SHANK2: variants seen among roughly 807,000 people sequenced by gnomAD.
SHANK2 encodes the protein SH3 and multiple ankyrin repeat domains 2, also known as SH3 and multiple ankyrin repeat domains protein 2.
A neutral mutation model predicts 133.7 loss-of-function variants in SHANK2; 43 were observed. That is an observed-to-expected ratio of 0.32 (90% CI 0.25 to 0.41). The LOEUF is 0.41. SHANK2 is among the 10% of genes least tolerant of loss of function. The pLI, the probability that SHANK2 is intolerant of heterozygous loss-of-function variation, is 1.00. For missense variants in SHANK2, 1,994 were observed against 2,235.8 expected, an observed-to-expected ratio of 0.89 and a Z score of 2.18; for synonymous variants, 1,017 against 952.8, an observed-to-expected ratio of 1.07 and a Z score of -1.24.
At chr11:71,096,467 C>G (rs1173572757) in intron 6 of SHANK2, among the ~76,000 whole-genome samples, 2 of 152,158 alleles carry the variant, frequency 1.3e-5, no homozygotes, top group African/African-American at 4.8e-5. Context: ...GTCAGCCCCT[C>G]ATTCTCTGTC....
intron 8 of SHANK2, among the ~76,000 whole-genome samples, chr11:71,082,553 C>T (rs1021939700): frequency 4.6e-5 from 7 of 152,234 alleles, no homozygotes; most frequent in African/African-American, 1.4e-4. Flanking sequence ...GGGCTGTACA[C>T]AGTCCCACCC....
chr11:71,180,959 G>T (rs912133153), intron 2 of SHANK2, among the ~76,000 whole-genome samples: 1 of 151,910 alleles, frequency 6.6e-6, no homozygotes, highest in African/African-American at 2.4e-5. Context: ...ACTTCCATGT[G>T]GCAAATCAGC....
At chr11:71,118,627 A>G (rs1565461393) in intron 4 of SHANK2, among the ~76,000 whole-genome samples, 1 of 152,142 alleles carries the variant, frequency 6.6e-6, no homozygotes, top group Admixed American at 6.5e-5. Flanking sequence ...ACATGTGGGG[A>G]TTACAATTAG....
rs749113327 is a variant in SHANK2, at chr11:70,932,418, G to A, written c.1108-35851C>T. Among the ~76,000 whole-genome samples, 499 of 152,348 alleles carry A rather than the reference G, an allele frequency of 3.3e-3. 4 individuals carry two copies. Among genetic ancestry groups the A allele is most frequent in the Non-Finnish European group, 4.0e-3 (275 of 68,040 alleles). On this transcript the variant is annotated intron_variant, in intron 10 of 25. Coordinates refer to ENST00000601538, the MANE Select transcript of SHANK2 (RefSeq NM_012309.5). ...GAAGCAGCAGGACTCTGCTGGGTCC[G>A]CGCACGTGCGGCCCCGCTAAGGGAA...
intron 8 of SHANK2, among the ~76,000 whole-genome samples, chr11:71,081,658 G>C (rs921568525): frequency 6.6e-6 from 1 of 152,122 alleles, no homozygotes; most frequent in African/African-American, 2.4e-5. Context: ...GGTACTCAAG[G>C]GTCCTCATTC....
chr11:70,626,077 C>G (rs1554999860), intron 17 of SHANK2, among the ~76,000 whole-genome samples: 1 of 152,108 alleles, frequency 6.6e-6, no homozygotes, highest in South Asian at 2.1e-4. Context: ...CCTCCCATCC[C>G]GGCTGAGCAT....
chr11:71,068,344 T>A (rs1951095730), intron 9 of SHANK2, among the ~76,000 whole-genome samples: 1 of 152,214 alleles, frequency 6.6e-6, no homozygotes, highest in Non-Finnish European at 1.5e-5. Context: ...GACTGCATCC[T>A]GACCCCCAGT....
intron 15 of SHANK2, among the ~76,000 whole-genome samples, chr11:70,685,205 AG>A (rs1159835263): frequency 6.6e-6 from 1 of 151,948 alleles, no homozygotes; most frequent in Admixed American, 6.6e-5. Flanking sequence ...GAAAGAAAAA[AG>A]CTCCCAACCT....
rs781940611 is a variant in SHANK2, at chr11:70,830,004, G to A, written c.1175-9322C>T. ...CACAGGGGTTCTCACTGTCAGACGC[G>A]GGCAGCAGCCTGTAAGAGCCTCCTT... On this transcript the variant is annotated intron_variant, in intron 11 of 25. Coordinates refer to ENST00000601538, the MANE Select transcript of SHANK2 (RefSeq NM_012309.5). The surrounding 1 kb of genome is among the most constrained non-coding windows in gnomAD (Gnocchi z 4.4). Among the ~76,000 whole-genome samples, 21 of 152,134 alleles carry A rather than the reference G, an allele frequency of 1.4e-4. No homozygotes were observed. The highest frequency in any genetic ancestry group is 1.1e-3 in the Admixed American group (17 of 15,280).
At chr11:71,248,465 T>C (rs1954992025) in intron 1 of SHANK2, among the ~76,000 whole-genome samples, 1 of 152,232 alleles carries the variant, frequency 6.6e-6, no homozygotes, top group African/African-American at 2.4e-5. Context: ...CCCTACCCAC[T>C]AGCTGTGTGG....
At chr11:71,236,188 A>C (rs1183486328) in intron 1 of SHANK2, among the ~76,000 whole-genome samples, 1 of 152,240 alleles carries the variant, frequency 6.6e-6, no homozygotes, top group East Asian at 1.9e-4. Context: ...TGGCCAGAGA[A>C]GGCAACGGGG....
chr11:70,756,083 C>T (rs910015343), intron 14 of SHANK2, among the ~76,000 whole-genome samples: 3 of 152,086 alleles, frequency 2.0e-5, no homozygotes, highest in Non-Finnish European at 4.4e-5. Context: ...CCTCACTGGC[C>T]GCAGCGGGTT....
intron 2 of SHANK2, among the ~76,000 whole-genome samples, chr11:71,189,093 A>G (rs1041637864): frequency 2.6e-5 from 4 of 152,166 alleles, no homozygotes; most frequent in South Asian, 4.1e-4. Flanking sequence ...TGAAATAGTC[A>G]CATCTGCCAT....
intron 3 of SHANK2, among the ~76,000 whole-genome samples, chr11:71,136,755 G>T (rs555552212): frequency 6.6e-6 from 1 of 152,350 alleles, no homozygotes; most frequent in African/African-American, 2.4e-5. Context: ...GGCTGGAAGT[G>T]GGGGTGGGGA....
At chr11:70,934,675 A>G (rs1950547685) in intron 10 of SHANK2, among the ~76,000 whole-genome samples, 1 of 152,246 alleles carries the variant, frequency 6.6e-6, no homozygotes, top group Non-Finnish European at 1.5e-5. Flanking sequence ...CAATGATAAG[A>G]GAAAATGCTG....
intron 14 of SHANK2, among the ~76,000 whole-genome samples, chr11:70,780,677 A>T (rs1555044942): frequency 6.6e-6 from 1 of 150,384 alleles, no homozygotes; most frequent in African/African-American, 2.5e-5. Context: ...GGTTCAAGCG[A>T]TTCTCCTGCC....
At chr11:71,093,060 G>C (rs1004526128) in intron 7 of SHANK2, among the ~76,000 whole-genome samples, 2 of 141,446 alleles carry the variant, frequency 1.4e-5, no homozygotes, top group Non-Finnish European at 1.6e-5. Context: ...AAGGGGGGGG[G>C]GGGCAGGTAT....
chr11:71,227,559 A>C lies in SHANK2; in HGVS notation c.-112-2763T>G, dbSNP rs1424338255. Among the ~76,000 whole-genome samples the C allele has an allele frequency of 2.0e-5, 3 of 152,170 alleles. No individual in the cohort carries two copies. In the East Asian group the frequency reaches 5.8e-4, roughly 29 times the overall value. On this transcript the variant is annotated intron_variant, in intron 1 of 25. Transcript: ENST00000601538. Reference sequence around the variant, plus strand: ...ACCAAACAACAGAGGAGCAAAATACATGAAGCAAAAATGGATAGAACTGAA... The same window carrying C: ...ACCAAACAACAGAGGAGCAAAATACCTGAAGCAAAAATGGATAGAACTGAA...
At chr11:70,925,430 G>C (rs890769545) in intron 10 of SHANK2, among the ~76,000 whole-genome samples, 1 of 152,142 alleles carries the variant, frequency 6.6e-6, no homozygotes, top group Non-Finnish European at 1.5e-5. Flanking sequence ...CATGTTCACA[G>C]AACATGTCTC....
Sources: gnomAD v4.1 joint callset for allele counts (sites outside exome capture counted in the v4.1 genomes callset) on GRCh38, gnomAD v4.1.1 for gene constraint, Gnocchi (gnomAD v3.1) non-coding constraint, MANE v1.5 for transcripts, NCBI Gene and HGNC (gene_info 2026-07-23, HGNC 2026-07-21) for gene names.